NLGN1: variants seen among roughly 807,000 people sequenced by gnomAD.
NLGN1 encodes neuroligin 1.
A neutral mutation model predicts 65.5 loss-of-function variants in NLGN1; 12 were observed. The observed-to-expected ratio is 0.18, with a 90% CI of 0.12 to 0.30. The LOEUF is 0.30. NLGN1 is among the 10% of genes least tolerant of loss of function. The pLI is 1.00. For synonymous variants in NLGN1, 350 were observed against 359.5 expected (o/e 0.97, Z 0.30); for missense variants, 750 against 1,007.1 (o/e 0.74, Z 3.46).
chr3:173,462,307 TAAGC>T (rs770924274), intron 2 of NLGN1, among the ~76,000 whole-genome samples: 2 of 152,158 alleles, frequency 1.3e-5, no homozygotes, highest in Non-Finnish European at 2.9e-5. Flanking sequence ...TTATTGAAAA[TAAGC>T]AAGGTACCAA....
chr3:173,640,502 A>T (rs1448879295), intron 3 of NLGN1, among the ~76,000 whole-genome samples: 3 of 152,158 alleles, frequency 2.0e-5, no homozygotes, highest in Admixed American at 1.3e-4. Flanking sequence ...AAATACTTCA[A>T]TGCGTATCTC....
intron 3 of NLGN1, among the ~76,000 whole-genome samples, chr3:173,651,697 A>G (rs1475565404): frequency 6.6e-6 from 1 of 152,106 alleles, no homozygotes; most frequent in Non-Finnish European, 1.5e-5. Flanking sequence ...TAGTTTGCAT[A>G]TCTCTGATGG....
At chr3:174,266,510 A>C (rs1051672860) in intron 4 of NLGN1, among the ~76,000 whole-genome samples, 1 of 152,210 alleles carries the variant, frequency 6.6e-6, no homozygotes, top group African/African-American at 2.4e-5. Context: ...ATAGTGCTGC[A>C]ATGAACATAC....
chr3:173,811,370 C>A (rs1398324767), intron 4 of NLGN1, among the ~76,000 whole-genome samples: 3 of 151,830 alleles, frequency 2.0e-5, no homozygotes, highest in Admixed American at 2.0e-4. Flanking sequence ...TCAAGACCAG[C>A]CTGGCCAACA....
chr3:174,077,079 C>T (rs1034512840), intron 4 of NLGN1, among the ~76,000 whole-genome samples: 13 of 151,932 alleles, frequency 8.6e-5, no homozygotes, highest in Non-Finnish European at 1.3e-4. Flanking sequence ...AACTGATTCT[C>T]AATAGAAAAT....
intron 2 of NLGN1, among the ~76,000 whole-genome samples, chr3:173,466,815 A>G (rs1724437532): frequency 6.6e-6 from 1 of 152,176 alleles, no homozygotes; most frequent in Non-Finnish European, 1.5e-5. Flanking sequence ...AATACACCTC[A>G]CTTACCTAAC....
intron 3 of NLGN1, among the ~76,000 whole-genome samples, chr3:173,667,239 G>GCACGCACACACACACA (rs1553794604): frequency 6.8e-6 from 1 of 147,328 alleles, no homozygotes; most frequent in African/African-American, 2.5e-5. Context: ...ACACGCATAT[G>GCACGCACACACACACA]CACACACACA....
chr3:174,274,412 T>C (rs1750122116), intron 4 of NLGN1, among the ~76,000 whole-genome samples: 1 of 151,856 alleles, frequency 6.6e-6, no homozygotes, highest in African/African-American at 2.4e-5. Flanking sequence ...GTAAAACAGT[T>C]ACTCAGATCT....
chr3:173,982,939 T>C (rs939980905), intron 4 of NLGN1, among the ~76,000 whole-genome samples: 1 of 152,148 alleles, frequency 6.6e-6, no homozygotes, highest in African/African-American at 2.4e-5. Flanking sequence ...ATGAGTAGAA[T>C]GTGGATAGTC....
chr3:174,208,857 T>A (rs1735910509), intron 4 of NLGN1, among the ~76,000 whole-genome samples: 2 of 152,186 alleles, frequency 1.3e-5, no homozygotes, highest in Non-Finnish European at 2.9e-5. Flanking sequence ...GGGAGCAATG[T>A]GTGTAACGTG....
chr3:174,030,206 A>G (rs1345142386), intron 4 of NLGN1, among the ~76,000 whole-genome samples: 2 of 148,958 alleles, frequency 1.3e-5, no homozygotes, highest in Non-Finnish European at 3.0e-5. Context: ...GCTCACTGCA[A>G]CCTCCACCTC....
At chr3:173,495,679 T>TTAAAAA (rs1386516560) in intron 2 of NLGN1, among the ~76,000 whole-genome samples, 1 of 32,702 alleles carries the variant, frequency 3.1e-5, no homozygotes, top group Admixed American at 3.5e-4. Context: ...GAGTCTTTTT[T>TTAAAAA]GAAAAAAAAA....
chr3:174,038,537 C>T (rs1210860087), intron 4 of NLGN1, among the ~76,000 whole-genome samples: 1 of 152,132 alleles, frequency 6.6e-6, no homozygotes, highest in Non-Finnish European at 1.5e-5. Context: ...GAAGTGCATA[C>T]TAAAAATAAA....
chr3:173,568,129 TTTCC>T lies in NLGN1; in HGVS notation c.-320-36127_-320-36124del, dbSNP rs576675821. On this transcript the variant is annotated intron_variant, in intron 2 of 6. Coordinates refer to ENST00000457714, the Ensembl canonical transcript of NLGN1. ...TTAAAATCTACTCTTGTACAATAGA[TTTCC>T]TTCCTTCCTTCCTTCCTTCCTTTCC... Among the ~76,000 whole-genome samples the T allele has an allele frequency of 5.4e-3, 823 of 151,750 alleles. 7 individuals carry two copies. Among genetic ancestry groups the T allele is most frequent in the Middle Eastern group, 0.051 (15 of 294 alleles).
intron 4 of NLGN1, chr3:174,202,647 T>G (rs1734694159): frequency 6.6e-6 from 1 of 152,186 alleles, no homozygotes; most frequent in African/African-American, 2.4e-5. Context: ...AGATTTTGCC[T>G]TAAACTCATA....
At chr3:173,657,761 A>G (rs1437969119) in intron 3 of NLGN1, among the ~76,000 whole-genome samples, 1 of 151,952 alleles carries the variant, frequency 6.6e-6, no homozygotes, top group Non-Finnish European at 1.5e-5. Flanking sequence ...GATGGAAGAA[A>G]GAAGGAAGAG....
chr3:174,004,685 G>A (rs2152432196), intron 4 of NLGN1, among the ~76,000 whole-genome samples: 1 of 152,004 alleles, frequency 6.6e-6, no homozygotes, highest in South Asian at 2.1e-4. Flanking sequence ...GTAAGCAATT[G>A]GAAAAACAAT....
intron 1 of NLGN1, among the ~76,000 whole-genome samples, chr3:173,412,872 A>G (rs942623865): frequency 6.6e-6 from 1 of 152,118 alleles, no homozygotes; most frequent in African/African-American, 2.4e-5. Context: ...TTTTGGCCTG[A>G]TTGTGATAAG....
chr3:173,777,764 A>G (rs535113593), intron 3 of NLGN1, among the ~76,000 whole-genome samples: 1 of 151,916 alleles, frequency 6.6e-6, no homozygotes, highest in South Asian at 2.1e-4. Context: ...GCTAGAATAA[A>G]CATGGGAGTG....
Sources: gnomAD v4.1 joint callset for allele counts (sites outside exome capture counted in the v4.1 genomes callset) on GRCh38, gnomAD v4.1.1 for gene constraint, MANE v1.5 for transcripts, NCBI Gene and HGNC (gene_info 2026-07-23, HGNC 2026-07-21) for gene names.